Variants in ASH1L observed in about 807,000 individuals in gnomAD.
ASH1L encodes ASH1 like histone lysine methyltransferase.
A neutral mutation model predicts 269.0 loss-of-function variants in ASH1L; 23 were observed. That is an observed-to-expected ratio of 0.09 (90% CI 0.06 to 0.12). The LOEUF is 0.12. Among genes scored for constraint, ASH1L ranks in the 10% least tolerant of loss-of-function variants. The pLI is 1.00. For missense variants in ASH1L, 2,912 were observed against 3,567.8 expected (o/e 0.82, Z 4.68); for synonymous variants, 1,187 against 1,253.5 (o/e 0.95, Z 1.12).
At chr1:155,468,832 T>C (rs1664882979) in intron 3 of ASH1L, among the ~76,000 whole-genome samples, 1 of 152,168 alleles carries the variant, frequency 6.6e-6, no homozygotes, top group Non-Finnish European at 1.5e-5. Context: ...ATGTATTTCT[T>C]AAACCTTTAT....
At chr1:155,383,170 T>TA (rs1490916974) in intron 7 of ASH1L, among the ~76,000 whole-genome samples, 29 of 152,352 alleles carry the variant, frequency 1.9e-4, no homozygotes, top group Non-Finnish European at 1.2e-4. Flanking sequence ...GTCAAAGTGT[T>TA]AAAAAATTAA....
At chr1:155,361,860 G>C (rs1311184356) in intron 12 of ASH1L, among the ~76,000 whole-genome samples, 2 of 133,902 alleles carry the variant, frequency 1.5e-5, no homozygotes, top group African/African-American at 2.9e-5. Context: ...GCAACAGAGC[G>C]AGACTCCGTC....
chr1:155,502,076 T>A (rs186496044), intron 2 of ASH1L, among the ~76,000 whole-genome samples: 2 of 139,688 alleles, frequency 1.4e-5, no homozygotes, highest in African/African-American at 5.0e-5. Context: ...CTTTTCTTTT[T>A]TTTTTTTTTT....
intron 6 of ASH1L, among the ~76,000 whole-genome samples, chr1:155,399,139 C>T (rs1052613957): frequency 1.3e-5 from 2 of 152,132 alleles, no homozygotes; most frequent in Non-Finnish European, 2.9e-5. Flanking sequence ...TTTGTTACCA[C>T]ATGAGAGGGC....
intron 1 of ASH1L, among the ~76,000 whole-genome samples, chr1:155,543,479 C>T (rs1408796068): frequency 7.7e-6 from 1 of 130,034 alleles, no homozygotes; most frequent in African/African-American, 2.9e-5. Context: ...CACTGCACTC[C>T]AGCCTGCATC....
intron 5 of ASH1L, 92 bp from the exon 6 acceptor site, chr1:155,416,015 A>T (rs1660178162): frequency 2.8e-6 from 3 of 1,085,138 alleles, no homozygotes; most frequent in Non-Finnish European, 2.5e-6. Context: ...CATAGCAATT[A>T]AAAAAAGAGA....
chr1:155,475,535 A>G (rs1299214823), intron 3 of ASH1L, among the ~76,000 whole-genome samples: 1 of 152,170 alleles, frequency 6.6e-6, no homozygotes, highest in African/African-American at 2.4e-5. Flanking sequence ...TTTAATCTGT[A>G]TCATAACACT....
At chr1:155,535,188 T>TA (rs762665819) in intron 1 of ASH1L, among the ~76,000 whole-genome samples, 1,523 of 137,588 alleles carry the variant, frequency 0.011, 13 homozygotes, top group Admixed American at 0.017. Flanking sequence ...AAACTCCATT[T>TA]AAAAAAAAAA....
chr1:155,479,974 G>A lies in ASH1L; in HGVS notation c.2896C>T (p.Pro966Ser), dbSNP rs1021194966. The change falls in exon 3 of 28, where the codon CCA (proline) becomes TCA (serine). Residue 966 changes from proline to serine, a missense_variant. Pro to Ser is a moderately conservative substitution (Grantham distance 74, BLOSUM62 -1). This residue lies in a region of ASH1L where 715 missense variants were observed against 721.0 expected (regional missense o/e 0.99). Transcript: ENST00000392403. ...TTTCTCTTGGTAATTTTTTTATCTG[G>A]TTCCATCTCAAGGTCACTCATACTA... is the stretch of plus-strand genomic sequence containing the variant. Reference protein sequence around the residue: ...VCSMSDLEMEPDKKITKRNNG... With the variant: ...VCSMSDLEMESDKKITKRNNG... The A allele has an allele frequency of 9.9e-6, 16 of 1,613,300 alleles. No homozygotes were observed. The highest frequency in any genetic ancestry group is 1.3e-5 in the Non-Finnish European group (15 of 1,179,866).
At chr1:155,437,292 G>A (rs146899245) in intron 5 of ASH1L, among the ~76,000 whole-genome samples, 3,339 of 152,234 alleles carry the variant, frequency 0.022, 59 homozygotes, top group Middle Eastern at 0.15. Context: ...TTGAAAAAGC[G>A]ATTGAGTAGA....
intron 7 of ASH1L, among the ~76,000 whole-genome samples, chr1:155,393,200 T>G (rs1033932400): frequency 6.6e-6 from 1 of 152,208 alleles, no homozygotes; most frequent in Non-Finnish European, 1.5e-5. Context: ...AACTTCATGT[T>G]GTAGTTAAAT....
At position 155,415,800 on chromosome 1, in the gene ASH1L, G is replaced by A. The variant is rs776486579; in HGVS notation, c.5952C>T (p.Pro1984=). ...LIPREKKPPR[P]PKKKYQKAGL... ...CTGCTTTCTGATACTTCTTCTTTGGGGGACGTGGGGGCTTCTTTTCCCTTG... is the reference window on the plus strand; with the variant it reads ...CTGCTTTCTGATACTTCTTCTTTGGAGGACGTGGGGGCTTCTTTTCCCTTG... The change falls in exon 6 of 28, where the codon CCC becomes CCT. Residue 1984 remains proline (P), a synonymous_variant. Coordinates refer to ENST00000392403, the MANE Select transcript of ASH1L (RefSeq NM_018489.3). 1 of 1,614,012 alleles carries A rather than the reference G, an allele frequency of 6.2e-7. No homozygotes were observed. The highest frequency in any genetic ancestry group is 8.5e-7 in the Non-Finnish European group (1 of 1,180,024).
At chr1:155,442,726 CAT>C (rs1489510455) in intron 4 of ASH1L, among the ~76,000 whole-genome samples, 1 of 152,006 alleles carries the variant, frequency 6.6e-6, no homozygotes. Context: ...GCATCAATCT[CAT>C]ATTATCTTAG....
At chr1:155,488,059 G>C in intron 2 of ASH1L, among the ~76,000 whole-genome samples, 1 of 151,386 alleles carries the variant, frequency 6.6e-6, no homozygotes, top group East Asian at 2.0e-4. Context: ...GCTAATTTTT[G>C]AATTTTTAGT....
intron 25 of ASH1L, among the ~76,000 whole-genome samples, chr1:155,341,714 A>G (rs1652836986): frequency 6.6e-6 from 1 of 152,160 alleles, no homozygotes; most frequent in African/African-American, 2.4e-5. Flanking sequence ...AAGAGAAAAG[A>G]GGAAAGGTAT....
intron 6 of ASH1L, among the ~76,000 whole-genome samples, chr1:155,409,622 T>TC (rs1659595417): frequency 2.0e-5 from 3 of 152,118 alleles, no homozygotes; most frequent in Non-Finnish European, 2.9e-5. Context: ...TTAAATTTTA[T>TC]TAAGTTTTAT....
chr1:155,364,661 C>T (rs1161206219), intron 12 of ASH1L, among the ~76,000 whole-genome samples: 1 of 151,708 alleles, frequency 6.6e-6, no homozygotes, highest in Non-Finnish European at 1.5e-5. Flanking sequence ...CTTGTCAGGC[C>T]CGGCATGGTG....
At chr1:155,485,875 A>G (rs1465737256) in intron 2 of ASH1L, among the ~76,000 whole-genome samples, 5 of 152,108 alleles carry the variant, frequency 3.3e-5, no homozygotes, top group Non-Finnish European at 7.4e-5. Flanking sequence ...TCCTAGTGAC[A>G]GGTATCTAAC....
chr1:155,370,459 C>T, intron 12 of ASH1L, 45 bp downstream of exon 12: 7 of 1,610,328 alleles, frequency 4.3e-6, no homozygotes, highest in Non-Finnish European at 5.9e-6. Flanking sequence ...GCACTCAATG[C>T]TTATTCTGCT....
Sources: gnomAD v4.1 joint callset for allele counts (sites outside exome capture counted in the v4.1 genomes callset) on GRCh38, gnomAD v4.1.1 for gene constraint, gnomAD v4.1.1 regional missense constraint, MANE v1.5 for transcripts, NCBI Gene and HGNC (gene_info 2026-07-23, HGNC 2026-07-21) for gene names.